MYO1E: variants seen among roughly 807,000 people sequenced by gnomAD.
MYO1E encodes myosin IE, also known as unconventional myosin-Ie.
Under a neutral mutation model 151.1 loss-of-function variants are expected in MYO1E, and 68 were observed. That is an observed-to-expected ratio of 0.45 (90% CI 0.37 to 0.55). MYO1E has a LOEUF of 0.55. MYO1E is among the 20% of genes least tolerant of loss of function. The pLI, the probability that MYO1E is intolerant of heterozygous loss-of-function variation, is 0.00. For missense variants in MYO1E, 1,363 were observed against 1,389.3 expected (o/e 0.98, Z 0.30); for synonymous variants, 601 against 501.7 (o/e 1.20, Z -2.64).
intron 16 of MYO1E, 145 bp from the exon 17 acceptor site, chr15:59,195,712 C>T (rs1434002213): frequency 2.6e-5 from 22 of 830,956 alleles, no homozygotes; most frequent in Non-Finnish European, 4.3e-5. Context: ...TAACTCAGGT[C>T]TACTAAACTT....
At chr15:59,206,875 G>T in intron 14 of MYO1E, 1 of 1,505,436 alleles carries the variant, frequency 6.6e-7, no homozygotes, top group Non-Finnish European at 9.0e-7. Context: ...CGGCTCTCTT[G>T]GCGTCTCAAC....
intron 1 of MYO1E, among the ~76,000 whole-genome samples, chr15:59,370,871 A>G (rs1441520305): frequency 6.6e-6 from 1 of 152,214 alleles, no homozygotes; most frequent in Non-Finnish European, 1.5e-5. Flanking sequence ...GACCCACGGA[A>G]AATGATTACA....
intron 12 of MYO1E, among the ~76,000 whole-genome samples, chr15:59,210,885 C>T (rs1176543322): frequency 2.0e-5 from 3 of 151,844 alleles, no homozygotes; most frequent in African/African-American, 4.8e-5. Flanking sequence ...AATCCAGTTA[C>T]AAAAAAATCA....
chr15:59,289,006 GAACC>G (rs2080404077), intron 1 of MYO1E, among the ~76,000 whole-genome samples: 1 of 152,192 alleles, frequency 6.6e-6, no homozygotes, highest in Non-Finnish European at 1.5e-5. Flanking sequence ...TTTACATTCA[GAACC>G]CTAAAATATT....
chr15:59,224,608 A>G, intron 8 of MYO1E, 81 bp downstream of exon 8: 1 of 1,572,344 alleles, frequency 6.4e-7, no homozygotes, highest in Non-Finnish European at 8.7e-7. Flanking sequence ...TCTTTGCTTT[A>G]TTAACCTTCA....
At chr15:59,316,328 T>C (rs1362911654) in intron 1 of MYO1E, among the ~76,000 whole-genome samples, 1 of 152,170 alleles carries the variant, frequency 6.6e-6, no homozygotes, top group Admixed American at 6.6e-5. Flanking sequence ...GGATGCCATT[T>C]TTCCCTTGGC....
At chr15:59,236,743 T>G (rs2140358230) in intron 4 of MYO1E, 71 bp from the exon 5 acceptor site, 2 of 1,311,856 alleles carry the variant, frequency 1.5e-6, no homozygotes, top group Non-Finnish European at 1.1e-6. Context: ...GTCTCCCCCA[T>G]CACACAAAAC....
chr15:59,335,738 T>A (rs2080724623), intron 1 of MYO1E, among the ~76,000 whole-genome samples: 1 of 152,144 alleles, frequency 6.6e-6, no homozygotes, highest in Non-Finnish European at 1.5e-5. Context: ...TATTTACCAA[T>A]TAACTTAGTC....
At chr15:59,232,630 T>C (rs1020112307) in intron 5 of MYO1E, among the ~76,000 whole-genome samples, 2 of 152,244 alleles carry the variant, frequency 1.3e-5, no homozygotes, top group Non-Finnish European at 2.9e-5. Context: ...TCACATGCTA[T>C]GGTTAAACAT....
chr15:59,163,864 G>C (rs2079550779), intron 22 of MYO1E, among the ~76,000 whole-genome samples: 1 of 152,236 alleles, frequency 6.6e-6, no homozygotes, highest in African/African-American at 2.4e-5. Context: ...GGAGCTACTA[G>C]AACGTACAGA....
intron 1 of MYO1E, among the ~76,000 whole-genome samples, chr15:59,317,345 A>G (rs2080595604): frequency 6.6e-6 from 1 of 152,216 alleles, no homozygotes; most frequent in Admixed American, 6.5e-5. Context: ...GAAACCTGGA[A>G]CAAGGTGCCA....
chr15:59,224,945 G>C (rs2079980310), intron 7 of MYO1E, 122 bp from the exon 8 acceptor site: 16 of 1,334,790 alleles, frequency 1.2e-5, no homozygotes, highest in Non-Finnish European at 1.6e-5. Context: ...ATTACAGGCA[G>C]TCCTGGCCCC....
chr15:59,283,096 C>A (rs367668997), intron 1 of MYO1E, among the ~76,000 whole-genome samples: 1 of 150,634 alleles, frequency 6.6e-6, no homozygotes, highest in South Asian at 2.1e-4. Context: ...GGGAGACGGG[C>A]GGTCAGAGGA....
At chr15:59,257,408 C>T (rs558238272) in intron 3 of MYO1E, among the ~76,000 whole-genome samples, 43 of 152,226 alleles carry the variant, frequency 2.8e-4, no homozygotes, top group African/African-American at 1.0e-3. Context: ...TTGGAGGACG[C>T]AGTGAGCTAC....
intron 24 of MYO1E, among the ~76,000 whole-genome samples, chr15:59,158,635 G>A (rs1318988838): frequency 6.6e-6 from 1 of 152,144 alleles, no homozygotes; most frequent in African/African-American, 2.4e-5. Flanking sequence ...AAGAAGGATT[G>A]GTCATCTTAC....
chr15:59,178,274 G>A, intron 19 of MYO1E, 119 bp downstream of exon 19: 1 of 1,299,976 alleles, frequency 7.7e-7, no homozygotes, highest in Non-Finnish European at 1.1e-6. Context: ...GCTTCTTTGA[G>A]GAGACAACAT....
At chr15:59,259,640 G>A (rs1271244568) in intron 3 of MYO1E, among the ~76,000 whole-genome samples, 1 of 152,226 alleles carries the variant, frequency 6.6e-6, no homozygotes, top group Admixed American at 6.5e-5. Context: ...AGGAAATGGA[G>A]TGAAAAGCAA....
intron 1 of MYO1E, among the ~76,000 whole-genome samples, chr15:59,277,563 A>AC (rs1182145254): frequency 0.025 from 3,235 of 129,938 alleles, 113 homozygotes; most frequent in African/African-American, 0.085. Context: ...AAAAAAAAAA[A>AC]AAAAAAAAAA....
intron 21 of MYO1E, among the ~76,000 whole-genome samples, chr15:59,172,313 C>T (rs1175894929): frequency 4.6e-5 from 7 of 152,098 alleles, no homozygotes; most frequent in Admixed American, 6.6e-5. Context: ...GCCGAGATTG[C>T]GCCATTGCAC....
Sources: allele counts gnomAD v4.1 joint callset (sites outside exome capture counted in the v4.1 genomes callset), GRCh38; gene constraint gnomAD v4.1.1; transcripts MANE v1.5; gene names NCBI Gene and HGNC (gene_info 2026-07-23, HGNC 2026-07-21).